Variants in NR6A1 observed in about 807,000 individuals in gnomAD.
The protein encoded by NR6A1 is nuclear receptor subfamily 6 group A member 1, also known as retinoic acid receptor-related testis-associated receptor.
NR6A1 carries 7 observed loss-of-function variants against 59.1 expected under a neutral mutation model. That is an observed-to-expected ratio of 0.12 (90% CI 0.07 to 0.22). The LOEUF (loss-of-function observed/expected upper bound fraction) is 0.22, where lower values mean the gene tolerates loss of function less well. NR6A1 is among the 10% of genes least tolerant of loss of function. The pLI is 1.00. For synonymous variants in NR6A1, 243 were observed against 236.1 expected (o/e 1.03, Z -0.27); for missense variants, 468 against 611.6 (o/e 0.77, Z 2.48).
At position 124,517,372 on chromosome 9, in the gene NR6A1, T is replaced by G. The variant is rs796496860; in HGVS notation, c.*5333A>C. The stretch of plus-strand genomic sequence containing the variant: ...TAATTGGTCACATTTCCACAGGTAG[T>G]CAATTCACAGAACAGGGCCCATCCC... On this transcript the variant is annotated 3_prime_UTR_variant, in exon 10 of 10. Coordinates refer to ENST00000487099, the MANE Select transcript of NR6A1 (RefSeq NM_033334.4). 1 of 152,418 alleles carries G rather than the reference T, an allele frequency of 6.6e-6. No homozygotes were observed. Among genetic ancestry groups the G allele is most frequent in the East Asian group, 1.9e-4 (1 of 5,188 alleles). The allele number at this position is 152,418 out of a possible 1,614,324, so 9.4% of individuals were successfully genotyped here.
chr9:124,705,444 CCT>C (rs1218168469), intron 2 of NR6A1, among the ~76,000 whole-genome samples: 1 of 151,962 alleles, frequency 6.6e-6, no homozygotes, highest in Non-Finnish European at 1.5e-5. Context: ...ACAGTATGTC[CCT>C]GTCTCTAGTA....
chr9:124,763,645 G>A (rs756813765), intron 1 of NR6A1, among the ~76,000 whole-genome samples: 3 of 152,154 alleles, frequency 2.0e-5, no homozygotes, highest in African/African-American at 4.8e-5. Context: ...ATTTTAAAAA[G>A]CAAGGGATGA....
intron 2 of NR6A1, among the ~76,000 whole-genome samples, chr9:124,563,475 A>C (rs1480122123): frequency 6.6e-6 from 1 of 152,218 alleles, no homozygotes; most frequent in Non-Finnish European, 1.5e-5. Context: ...CAGTTCTCTT[A>C]GTCTAACTAT....
chr9:124,651,002 G>C (rs1039877828), intron 2 of NR6A1, among the ~76,000 whole-genome samples: 1 of 152,120 alleles, frequency 6.6e-6, no homozygotes, highest in East Asian at 1.9e-4. Flanking sequence ...TAGAAAGAAA[G>C]GACTTTGGAG....
At chr9:124,765,928 G>C (rs1345763756) in intron 1 of NR6A1, among the ~76,000 whole-genome samples, 1 of 152,060 alleles carries the variant, frequency 6.6e-6, no homozygotes, top group Non-Finnish European at 1.5e-5. Context: ...ATCTCACAGT[G>C]GTTTTCTTCT....
intron 1 of NR6A1, among the ~76,000 whole-genome samples, chr9:124,749,125 A>G (rs1840425480): frequency 4.0e-5 from 6 of 151,710 alleles, no homozygotes; most frequent in Admixed American, 3.9e-4. Context: ...AGCCGAGTGT[A>G]GTGGCGCATG....
intron 8 of NR6A1, among the ~76,000 whole-genome samples, chr9:124,526,272 T>TTGTGTGTGTGTGTG: frequency 6.7e-6 from 1 of 150,176 alleles, no homozygotes; most frequent in South Asian, 2.1e-4. Context: ...CCATGCTTGA[T>TTGTGTGTGTGTGTG]TGTGTGTATG....
intron 2 of NR6A1, among the ~76,000 whole-genome samples, chr9:124,589,884 G>A (rs1248290871): frequency 2.0e-5 from 3 of 151,866 alleles, no homozygotes; most frequent in African/African-American, 7.3e-5. Flanking sequence ...GGGCAACATG[G>A]TGAAATCCCG....
intron 2 of NR6A1, among the ~76,000 whole-genome samples, chr9:124,612,793 T>C (rs186269839): frequency 7.6e-5 from 11 of 145,578 alleles, no homozygotes; most frequent in Admixed American, 2.7e-4. Flanking sequence ...TCTTTCTTTC[T>C]TTTCTTTCTT....
intron 2 of NR6A1, among the ~76,000 whole-genome samples, chr9:124,606,640 G>A (rs1835582948): frequency 6.6e-6 from 1 of 152,178 alleles, no homozygotes; most frequent in Admixed American, 6.5e-5. Flanking sequence ...TCTGTTAAAT[G>A]GGAACAGTGA....
chr9:124,607,643 T>C (rs999859247), intron 2 of NR6A1, among the ~76,000 whole-genome samples: 2 of 152,222 alleles, frequency 1.3e-5, no homozygotes, highest in Non-Finnish European at 2.9e-5. Flanking sequence ...ATGGAGTCTC[T>C]GTGAGAACTG....
chr9:124,685,511 G>C (rs1343223340), intron 2 of NR6A1, among the ~76,000 whole-genome samples: 1 of 152,156 alleles, frequency 6.6e-6, no homozygotes, highest in Admixed American at 6.5e-5. Flanking sequence ...TCAATTTTTA[G>C]TAGAGATGGG....
intron 2 of NR6A1, among the ~76,000 whole-genome samples, chr9:124,695,984 T>C (rs534689909): frequency 1.3e-5 from 2 of 152,264 alleles, no homozygotes; most frequent in Admixed American, 1.3e-4. Context: ...GAGACAATTA[T>C]GTAAGTTAAA....
intron 2 of NR6A1, among the ~76,000 whole-genome samples, chr9:124,729,145 T>C (rs1564256993): frequency 1.3e-5 from 2 of 152,148 alleles, no homozygotes; most frequent in East Asian, 1.9e-4. Context: ...GATCGTATCA[T>C]AAAAATAGAG....
intron 2 of NR6A1, among the ~76,000 whole-genome samples, chr9:124,648,261 G>A (rs1411216347): frequency 6.6e-6 from 1 of 152,084 alleles, no homozygotes; most frequent in Non-Finnish European, 1.5e-5. Context: ...ACTTTGGGTG[G>A]CCAACACAGG....
chr9:124,616,561 T>C (rs984003787), intron 2 of NR6A1, among the ~76,000 whole-genome samples: 27 of 152,066 alleles, frequency 1.8e-4, no homozygotes, highest in African/African-American at 6.0e-4. Context: ...TCTGCATCTA[T>C]ATAAAGGTCT....
At chr9:124,681,444 CG>C (rs1249875704) in intron 2 of NR6A1, among the ~76,000 whole-genome samples, 3 of 148,646 alleles carry the variant, frequency 2.0e-5, no homozygotes, top group Non-Finnish European at 3.0e-5. Context: ...CGGGTTCAGG[CG>C]ATTCTCCTGC....
chr9:124,577,131 T>C (rs544945129), intron 2 of NR6A1, among the ~76,000 whole-genome samples: 1 of 152,234 alleles, frequency 6.6e-6, no homozygotes, highest in South Asian at 2.1e-4. Context: ...GGGGCCGTAG[T>C]TCTTTCTGGA....
intron 2 of NR6A1, among the ~76,000 whole-genome samples, chr9:124,715,766 G>A (rs1839402363): frequency 6.6e-6 from 1 of 152,160 alleles, no homozygotes; most frequent in African/African-American, 2.4e-5. Context: ...AAGAAGGATG[G>A]AGTTGGAGGA....
Sources: allele counts gnomAD v4.1 joint callset (sites outside exome capture counted in the v4.1 genomes callset), GRCh38; gene constraint gnomAD v4.1.1; transcripts MANE v1.5; gene names NCBI Gene and HGNC (gene_info 2026-07-23, HGNC 2026-07-21).